MYL3: variants seen among roughly 807,000 people sequenced by gnomAD.
MYL3 encodes CMLC1.
In MYL3, 11 loss-of-function variants were observed where a neutral mutation model predicts 21.3. That is an observed-to-expected ratio of 0.52 (90% confidence interval 0.32 to 0.85). The LOEUF (loss-of-function observed/expected upper bound fraction) is 0.85, where lower values mean the gene tolerates loss of function less well. Among genes scored for constraint, MYL3 ranks in the 40% least tolerant of loss-of-function variants. The pLI is 0.03. For missense variants in MYL3, 206 were observed against 253.3 expected (o/e 0.81, Z 1.27); for synonymous variants, 88 against 91.6 (o/e 0.96, Z 0.22).
At chr3:46,877,392 T>A (rs1393207741) in intron 1 of MYL3, among the ~76,000 whole-genome samples, 2 of 152,132 alleles carry the variant, frequency 1.3e-5, no homozygotes, top group Non-Finnish European at 2.9e-5. Flanking sequence ...AGCCTGATAT[T>A]CCTGAGATGT....
Position 46,872,449 on chromosome 3 carries a change from C to G in MYL3, c.-217-5849G>C, listed in dbSNP as rs558378417. 8.1e-4 allele frequency among the ~76,000 whole-genome samples: 123 copies of G among 152,118 alleles called. 1 individual carries two copies. Among genetic ancestry groups the G allele is most frequent in the Middle Eastern group, 3.4e-3 (1 of 294 alleles). ...ATGCTGTAGGGCCCCAAGACCCCCC[C>G]CCTCAGCCCACCCCCAACCAGCATG... is the stretch of plus-strand genomic sequence containing the variant. On this transcript the variant is annotated intron_variant, in intron 1 of 3. Coordinates refer to the MYL3 transcript ENST00000431168.
At chr3:46,875,565 A>G (rs185314069) in intron 1 of MYL3, among the ~76,000 whole-genome samples, 2 of 152,330 alleles carry the variant, frequency 1.3e-5, no homozygotes, top group African/African-American at 4.8e-5. Context: ...ATCAGTTTTG[A>G]TGGCCTCGTG....
At position 46,858,524 on chromosome 3, in the gene MYL3, C is replaced by T. The variant is rs998711414; in HGVS notation, c.482-63G>A. The T allele has an allele frequency of 4.8e-5, 73 of 1,510,166 alleles. 2 individuals are homozygous for T. The South Asian group carries it at 7.9e-4, about 16-fold the overall frequency. 93.5% of individuals were successfully genotyped at this position (1,510,166 alleles called of 1,614,324 possible). ...CAGAGGCATGATGGGGTGGGGGCACCCACTGAATCCCTCTAGATGGTGGCT... is the reference window on the plus strand; with the variant it reads ...CAGAGGCATGATGGGGTGGGGGCACTCACTGAATCCCTCTAGATGGTGGCT... On this transcript the variant is annotated intron_variant, in intron 4 of 6. Transcript: ENST00000292327.
intron 1 of MYL3, among the ~76,000 whole-genome samples, chr3:46,871,660 T>C (rs138836599): frequency 6.6e-6 from 1 of 152,058 alleles, no homozygotes; most frequent in East Asian, 1.9e-4. Context: ...CCCAGGAATG[T>C]GTAATAACCC....
rs1701948108 is a variant in MYL3, at chr3:46,858,050, C to T, written c.*65G>A. 2.8e-6 allele frequency: 2 copies of T among 712,186 alleles called. No individual in the cohort carries two copies. The highest frequency in any genetic ancestry group is 4.9e-6 in the Non-Finnish European group (2 of 411,868). 44.1% of individuals were successfully genotyped at this position (712,186 alleles called of 1,614,324 possible). On this transcript the variant is annotated 3_prime_UTR_variant, in exon 7 of 7. Coordinates refer to ENST00000292327, the MANE Select transcript of MYL3 (RefSeq NM_000258.3). ...TCCCACGACTCCAGGCCGCTGGTGTCAGCATCACACATGGGAGATGAGACG... is the reference window on the plus strand; with the variant it reads ...TCCCACGACTCCAGGCCGCTGGTGTTAGCATCACACATGGGAGATGAGACG...
chr3:46,867,776 A>C (rs908166418), upstream of MYL3, among the ~76,000 whole-genome samples: 2 of 152,232 alleles, frequency 1.3e-5, no homozygotes, highest in Non-Finnish European at 2.9e-5. Flanking sequence ...AGTAGGTCAA[A>C]TGTTGCCGCG....
At chr3:46,863,125 T>C in intron 1 of MYL3, 137 bp downstream of exon 1, 1 of 1,321,870 alleles carries the variant, frequency 7.6e-7, no homozygotes, top group Non-Finnish European at 1.1e-6. Context: ...AGTCAGGGCT[T>C]GTCTGACCTC....
chr3:46,859,360 T>A lies in MYL3; in HGVS notation c.481+115A>T. On this transcript the variant is annotated intron_variant, in intron 4 of 6. Coordinates refer to ENST00000292327, the MANE Select transcript of MYL3 (RefSeq NM_000258.3). The surrounding 1 kb of genome is among the most constrained non-coding windows in gnomAD (Gnocchi z 4.1). Reference sequence around the variant, plus strand: ...TCTGTTGTCTGCCATTGAGGCTCCCTAATTATGTAACTCTCTCCATTTCAC... The same window carrying A: ...TCTGTTGTCTGCCATTGAGGCTCCCAAATTATGTAACTCTCTCCATTTCAC... 7.3e-7 allele frequency: 1 copy of A among 1,368,292 alleles called. No individual in the cohort carries two copies. The highest frequency in any genetic ancestry group is 2.3e-5 in the East Asian group (1 of 43,386). The allele number at this position is 1,368,292 out of a possible 1,614,324, so 84.8% of individuals were successfully genotyped here.
At chr3:46,875,543 G>T (rs780824414) in intron 1 of MYL3, among the ~76,000 whole-genome samples, 1 of 152,246 alleles carries the variant, frequency 6.6e-6, no homozygotes, top group Admixed American at 6.5e-5. Context: ...TCTGGGGCCT[G>T]ATCTAAGAGA....
chr3:46,857,992 T>G lies in MYL3; in HGVS notation c.*123A>C. 1.7e-6 allele frequency: 1 copy of G among 583,306 alleles called. No individual in the cohort carries two copies. The highest frequency in any genetic ancestry group is 2.0e-5 in the South Asian group (1 of 50,918). 36.1% of individuals were successfully genotyped at this position (583,306 alleles called of 1,614,324 possible). ...GCAACCACGTGGAGAGGTCCAAGGGTTTTTGCAGGAGTCTTGGTAAGGCTC... is the reference window on the plus strand; with the variant it reads ...GCAACCACGTGGAGAGGTCCAAGGGGTTTTGCAGGAGTCTTGGTAAGGCTC... On this transcript the variant is annotated 3_prime_UTR_variant, in exon 7 of 7. Coordinates refer to ENST00000292327, the MANE Select transcript of MYL3 (RefSeq NM_000258.3). The surrounding 1 kb of genome is among the most constrained non-coding windows in gnomAD (Gnocchi z 5.0).
intron 1 of MYL3, among the ~76,000 whole-genome samples, chr3:46,870,034 A>G (rs1702093355): frequency 6.6e-6 from 1 of 151,982 alleles, no homozygotes; most frequent in Non-Finnish European, 1.5e-5. Flanking sequence ...GGATGGAGAG[A>G]GACAGAGAAA....
upstream of MYL3, chr3:46,863,545 G>T (rs1449667232): frequency 6.2e-6 from 5 of 811,540 alleles, no homozygotes; most frequent in Middle Eastern, 3.1e-4. Flanking sequence ...AAAAGGATAT[G>T]GCTAGGCTTA....
upstream of MYL3, among the ~76,000 whole-genome samples, chr3:46,868,165 C>T (rs897314615): frequency 7.2e-5 from 11 of 152,198 alleles, no homozygotes; most frequent in African/African-American, 1.9e-4. Context: ...AGAGGCACAA[C>T]CCCGGGCCTT....
At chr3:46,869,935 C>T (rs1055948734) in intron 1 of MYL3, among the ~76,000 whole-genome samples, 13 of 152,116 alleles carry the variant, frequency 8.5e-5, no homozygotes, top group East Asian at 1.9e-4. Flanking sequence ...GAGGAGGAAC[C>T]GGCTCCCCTG....
rs1701953031 is a variant in MYL3 at position 46,858,264 on chromosome 3, T to C, written c.568A>G (p.Lys190Glu). Residue 190 changes from lysine to glutamate, a missense_variant, in exon 6 of 7, where the codon AAG becomes GAG. Coordinates refer to ENST00000292327, the MANE Select transcript of MYL3 (RefSeq NM_000258.3). The part of the protein sequence containing the change: ...NGCINYEAFV[K>E]HIMSS ...GAGGTTTAGCTGGACATGATGTGCTTCACAAATGCTGGAAAGAAGAGGAGA... is the reference window on the plus strand; with the variant it reads ...GAGGTTTAGCTGGACATGATGTGCTCCACAAATGCTGGAAAGAAGAGGAGA... The C allele has an allele frequency of 6.2e-7, 1 of 1,614,086 alleles. No individual in the cohort carries two copies. Among genetic ancestry groups the C allele is most frequent in the Non-Finnish European group, 8.5e-7 (1 of 1,180,008 alleles).
At chr3:46,875,112 C>A (rs948895663) in intron 1 of MYL3, among the ~76,000 whole-genome samples, 1 of 152,188 alleles carries the variant, frequency 6.6e-6, no homozygotes, top group Admixed American at 6.5e-5. Flanking sequence ...GATTTGGACC[C>A]CCAAGCCACA....
At chr3:46,862,111 C>T (rs3792561) in intron 1 of MYL3, among the ~76,000 whole-genome samples, 7 of 152,196 alleles carry the variant, frequency 4.6e-5, no homozygotes, top group African/African-American at 1.4e-4. Flanking sequence ...TGAGGGGTCT[C>T]ATTGTCCCCA....
At position 46,859,678 on chromosome 3, in the gene MYL3, T is replaced by A. The variant is rs568856792; in HGVS notation, c.308-30A>T. The A allele has an allele frequency of 1.4e-5, 22 of 1,613,886 alleles. No individual in the cohort carries two copies. Among genetic ancestry groups the A allele is most frequent in the South Asian group, 1.2e-4 (11 of 91,054 alleles). On this transcript the variant is annotated intron_variant, in intron 3 of 6. Coordinates refer to ENST00000292327, the MANE Select transcript of MYL3 (RefSeq NM_000258.3). This position sits in a 1 kb window ranked among gnomAD's most constrained non-coding sequence, Gnocchi z 4.1. ...AGAGAAATGGTCCCAGGTTCCAGGG[T>A]CTAAGGCTGGGGTGGGCACACCCCT...
At chr3:46,873,508 A>G (rs560522938) in intron 1 of MYL3, among the ~76,000 whole-genome samples, 3 of 152,234 alleles carry the variant, frequency 2.0e-5, no homozygotes, top group Non-Finnish European at 4.4e-5. Context: ...TCCACCCCCA[A>G]GGAGCCCTGT....
Sources: allele counts gnomAD v4.1 joint callset (sites outside exome capture counted in the v4.1 genomes callset), GRCh38; gene constraint gnomAD v4.1.1; non-coding constraint Gnocchi (gnomAD v3.1); transcripts MANE v1.5; gene names NCBI Gene and HGNC (gene_info 2026-07-23, HGNC 2026-07-21).